The following ZC3H4 variants were observed in gnomAD, a reference collection of about 807,000 sequenced individuals.
ZC3H4 encodes zinc finger CCCH-type containing 4.
A neutral mutation model predicts 108.3 loss-of-function variants in ZC3H4; 13 were observed. The ratio of observed to expected loss-of-function variants is 0.12; its 90% CI spans 0.08 to 0.19. The LOEUF (loss-of-function observed/expected upper bound fraction) is 0.19, where lower values mean the gene tolerates loss of function less well. Ranked by LOEUF, ZC3H4 falls within the 10% of genes least tolerant of loss-of-function variation. The pLI is 1.00. For missense variants in ZC3H4, 1,734 were observed against 1,838.8 expected (o/e 0.94, Z 1.04); for synonymous variants, 917 against 749.6 (o/e 1.22, Z -3.65).
rs539926305 is a variant in ZC3H4 at position 47,112,700 on chromosome 19, G to A, written c.-5-111C>T. On this transcript the variant is annotated intron_variant, in intron 1 of 14. Transcript: ENST00000253048. Reference sequence around the variant, plus strand: ...ATGGGAATGGGGTATATATTTTTTCGGTTTCGGAATCACCTCTGCGCTGAC... The same window carrying A: ...ATGGGAATGGGGTATATATTTTTTCAGTTTCGGAATCACCTCTGCGCTGAC... 12 of 604,302 alleles carry A rather than the reference G, an allele frequency of 2.0e-5. No individual in the cohort carries two copies. In the South Asian group the frequency reaches 2.6e-4, roughly 13 times the overall value. 37.4% of individuals were successfully genotyped at this position (604,302 alleles called of 1,614,324 possible).
chr19:47,065,945 G>A lies in ZC3H4; in HGVS notation c.*411C>T, dbSNP rs533868631. 142 of 161,860 alleles carry A rather than the reference G, an allele frequency of 8.8e-4. No homozygotes were observed. Among genetic ancestry groups the A allele is most frequent in the Non-Finnish European group, 1.7e-3 (126 of 74,994 alleles). The allele number at this position is 161,860 out of a possible 1,614,324, so 10.0% of individuals were successfully genotyped here. Reference sequence around the variant, plus strand: ...GGTCTCTTCGGGCACAGGGTGAGGAGCGTTCAATACCTTCCCAGACACCAA... The same window carrying A: ...GGTCTCTTCGGGCACAGGGTGAGGAACGTTCAATACCTTCCCAGACACCAA... On this transcript the variant is annotated 3_prime_UTR_variant, in exon 15 of 15. Coordinates refer to ENST00000253048, the MANE Select transcript of ZC3H4 (RefSeq NM_015168.2).
Position 47,067,440 on chromosome 19 carries a change from G to A in ZC3H4, c.2828C>T (p.Pro943Leu), listed in dbSNP as rs2057233912. ...GTCCCGCAGAGGGTGCCCGGGGAGT[G>A]GGTCCAGGGGAATGTTCACGGCCTT... ...REKAVNIPLD[P>L]LPGHPLRDPR... Residue 943 changes from proline (P) to leucine (L), a missense_variant, in exon 15 of 15, where the codon CCA becomes CTA. Physicochemically the swap from Pro to Leu is moderately conservative, Grantham distance 98. This residue lies in a region of ZC3H4 where 540 missense variants were observed against 484.1 expected (regional missense o/e 1.12). Transcript: ENST00000253048. This position sits in a 1 kb window ranked among gnomAD's most constrained non-coding sequence, Gnocchi z 6.4. 1.3e-6 allele frequency: 2 copies of A among 1,595,910 alleles called. No homozygotes were observed. Among genetic ancestry groups the A allele is most frequent in the African/African-American group, 1.3e-5 (1 of 74,548 alleles).
Position 47,067,432 on chromosome 19 carries a change from C to T in ZC3H4, c.2836G>A (p.Gly946Arg), listed in dbSNP as rs762360403. Residue 946 changes from glycine to arginine, a missense_variant, in exon 15 of 15, where the codon GGG becomes AGG. Physicochemically the swap from Gly to Arg is moderately radical, Grantham distance 125. Coordinates refer to ENST00000253048, the MANE Select transcript of ZC3H4 (RefSeq NM_015168.2). The surrounding 1 kb of genome is among the most constrained non-coding windows in gnomAD (Gnocchi z 6.4). ...GACCGTGGGTCCCGCAGAGGGTGCC[C>T]GGGGAGTGGGTCCAGGGGAATGTTC... is the stretch of plus-strand genomic sequence containing the variant. ...AVNIPLDPLP[G>R]HPLRDPRSQL... 26 of 1,603,058 alleles carry T rather than the reference C, an allele frequency of 1.6e-5. No individual in the cohort carries two copies. Among genetic ancestry groups the T allele is most frequent in the African/African-American group, 4.0e-5 (3 of 74,702 alleles).
chr19:47,112,292 G>A (rs2058050354), intron 2 of ZC3H4, 132 bp downstream of exon 2: 4 of 1,121,716 alleles, frequency 3.6e-6, no homozygotes, highest in Non-Finnish European at 4.5e-6. Context: ...GACACCCACC[G>A]ACCCCGCCCT....
At chr19:47,104,234 G>A (rs1600108744) in intron 2 of ZC3H4, among the ~76,000 whole-genome samples, 1 of 152,118 alleles carries the variant, frequency 6.6e-6, no homozygotes, top group Non-Finnish European at 1.5e-5. Context: ...CAGGAGAATC[G>A]CTTGAACCCA....
At chr19:47,110,814 CGGGCTGCGAT>C (rs995858321) in intron 2 of ZC3H4, 30 of 744,564 alleles carry the variant, frequency 4.0e-5, no homozygotes, top group East Asian at 2.6e-4. Flanking sequence ...GAACTGGAGT[CGGGCTGCGAT>C]GGGCTGCGAT....
chr19:47,099,992 G>A (rs2057881377), intron 2 of ZC3H4, among the ~76,000 whole-genome samples: 2 of 152,154 alleles, frequency 1.3e-5, no homozygotes, highest in African/African-American at 2.4e-5. Flanking sequence ...AATTGCCTGG[G>A]TAGGCTCTGA....
intron 11 of ZC3H4, among the ~76,000 whole-genome samples, chr19:47,078,592 G>A (rs368076191): frequency 1.3e-5 from 2 of 152,094 alleles, no homozygotes; most frequent in African/African-American, 2.4e-5. Context: ...TCAGGAATTC[G>A]AGACCAGCCT....
chr19:47,106,945 G>C (rs2057975440), intron 2 of ZC3H4, among the ~76,000 whole-genome samples: 1 of 152,190 alleles, frequency 6.6e-6, no homozygotes, highest in Non-Finnish European at 1.5e-5. Flanking sequence ...TGACTAGTTT[G>C]CAGTGGTATG....
Position 47,066,139 on chromosome 19 carries a change from G to C in ZC3H4, c.*217C>G. On this transcript the variant is annotated 3_prime_UTR_variant, in exon 15 of 15. Coordinates refer to ENST00000253048, the MANE Select transcript of ZC3H4 (RefSeq NM_015168.2). The stretch of plus-strand genomic sequence containing the variant: ...TTGCTCAGCAGGAGCCCCTGAGCCC[G>C]CCACACTGACCAGAACTTAAGATGG... 1 of 424,512 alleles carries C rather than the reference G, an allele frequency of 2.4e-6. No individual in the cohort carries two copies. Among genetic ancestry groups the C allele is most frequent in the Non-Finnish European group, 4.1e-6 (1 of 244,584 alleles). The allele number at this position is 424,512 out of a possible 1,614,324, so 26.3% of individuals were successfully genotyped here. A position where few individuals can be genotyped will look rare whatever the true frequency, so the allele number is the denominator to read the frequency against.
intron 2 of ZC3H4, chr19:47,110,759 A>T: frequency 2.8e-6 from 1 of 355,838 alleles, no homozygotes; most frequent in Non-Finnish European, 3.9e-6. Context: ...CGGAAGCCCA[A>T]CGAGGGCTTA....
intron 11 of ZC3H4, among the ~76,000 whole-genome samples, chr19:47,075,765 C>G (rs1187829006): frequency 6.6e-6 from 1 of 152,182 alleles, no homozygotes; most frequent in Non-Finnish European, 1.5e-5. Context: ...CAAACCAATG[C>G]ATTCCCTGGA....
Position 47,066,465 on chromosome 19 carries a change from C to T in ZC3H4, c.3803G>A (p.Gly1268Glu). Residue 1268 changes from glycine (G) to glutamate (E), a missense_variant, in exon 15 of 15, where the codon GGA becomes GAA. Around this residue, in one of 9 missense-constraint regions of ZC3H4, gnomAD observed 518 missense variants for 499.6 expected, o/e 1.04. Transcript: ENST00000253048. ...TVKQTPKTGS[G>E]SPFAGNSPAR... is the part of the protein sequence containing the mutation. ...CGGACTGTTCCCAGCAAATGGGCTT[C>T]CTGAGCCCGTCTTGGGTGTCTGCTT... The T allele has an allele frequency of 6.3e-7, 1 of 1,581,566 alleles. No homozygotes were observed. The highest frequency in any genetic ancestry group is 8.6e-7 in the Non-Finnish European group (1 of 1,164,004).
chr19:47,112,849 C>T (rs1282809148), intron 1 of ZC3H4, among the ~76,000 whole-genome samples: 1 of 151,982 alleles, frequency 6.6e-6, no homozygotes, highest in Admixed American at 6.5e-5. Context: ...GCCCCCCCCC[C>T]ACGCACCCCC....
intron 8 of ZC3H4, 39 bp downstream of exon 8, chr19:47,085,016 AC>A (rs1196470672): frequency 1.2e-6 from 2 of 1,610,734 alleles, no homozygotes; most frequent in Non-Finnish European, 8.5e-7. Context: ...CTAAGAAGGG[AC>A]CTTGGCCCAA....
chr19:47,112,800 T>C (rs1177776877), intron 1 of ZC3H4, among the ~76,000 whole-genome samples: 3 of 151,776 alleles, frequency 2.0e-5, no homozygotes, highest in East Asian at 2.0e-4. Context: ...ACCCTTGCGG[T>C]CACTCGCTCA....
chr19:47,096,355 C>T (rs2057820182), intron 2 of ZC3H4, among the ~76,000 whole-genome samples: 1 of 152,268 alleles, frequency 6.6e-6, no homozygotes, highest in South Asian at 2.1e-4. Context: ...GTGCAGGCTG[C>T]AGTCCTGACA....
chr19:47,087,747 GC>G (rs1168345086), intron 5 of ZC3H4, among the ~76,000 whole-genome samples: 2 of 152,084 alleles, frequency 1.3e-5, no homozygotes, highest in East Asian at 3.9e-4. Context: ...GGTGGTGCAG[GC>G]CTGTAATCCC....
rs1013852313 is a variant in ZC3H4 at position 47,112,561 on chromosome 19, G to C, written c.24C>G (p.Pro8=). The C allele has an allele frequency of 2.9e-6, 3 of 1,036,846 alleles. No homozygotes were observed. In the East Asian group the frequency reaches 9.6e-5, roughly 33 times the overall value. 64.2% of individuals were successfully genotyped at this position (1,036,846 alleles called of 1,614,324 possible). MEAAPGT[P]PPPPSESPPP... is the part of the protein sequence containing the mutation. Reference sequence around the variant, plus strand: ...GCGGCGACTCTGATGGCGGCGGCGGGGGGGTCCCGGGCGCGGCCTCCATAG... The same window carrying C: ...GCGGCGACTCTGATGGCGGCGGCGGCGGGGTCCCGGGCGCGGCCTCCATAG... The change falls in exon 2 of 15, where the codon CCC becomes CCG. Residue 8 remains proline, a synonymous_variant. Transcript: ENST00000253048.
Sources: allele counts gnomAD v4.1 joint callset (sites outside exome capture counted in the v4.1 genomes callset), GRCh38; gene constraint gnomAD v4.1.1; regional missense constraint gnomAD v4.1.1; non-coding constraint Gnocchi (gnomAD v3.1); transcripts MANE v1.5; gene names NCBI Gene and HGNC (gene_info 2026-07-23, HGNC 2026-07-21).